The following CAP1 variants were observed in gnomAD, a reference collection of about 807,000 sequenced individuals.
The protein encoded by CAP1 is adenylyl cyclase-associated protein 1.
Under a neutral mutation model 58.2 loss-of-function variants are expected in CAP1, and 11 were observed. The ratio of observed to expected loss-of-function variants is 0.19; its 90% CI spans 0.12 to 0.31. The LOEUF (loss-of-function observed/expected upper bound fraction) is 0.31. Among genes scored for constraint, CAP1 ranks in the 10% least tolerant of loss-of-function variants. CAP1 has a pLI of 1.00. For missense variants in CAP1, 423 were observed against 587.5 expected, an observed-to-expected ratio of 0.72 and a Z score of 2.89; for synonymous variants, 183 against 213.8, an observed-to-expected ratio of 0.86 and a Z score of 1.26.
intron 1 of CAP1, among the ~76,000 whole-genome samples, chr1:40,054,343 AC>A (rs1646518950): frequency 6.6e-6 from 1 of 151,784 alleles, no homozygotes; most frequent in Admixed American, 6.6e-5. Flanking sequence ...GGCGCATACC[AC>A]CACGCCTGGC....
chr1:40,043,907 G>C (rs1049022132), intron 1 of CAP1, among the ~76,000 whole-genome samples: 1 of 151,878 alleles, frequency 6.6e-6, no homozygotes, highest in African/African-American at 2.4e-5. Flanking sequence ...GAAATTTCTC[G>C]CTTTTTCCAG....
At chr1:40,061,506 C>G (rs537450937) in intron 3 of CAP1, among the ~76,000 whole-genome samples, 1 of 152,282 alleles carries the variant, frequency 6.6e-6, no homozygotes, top group South Asian at 2.1e-4. Context: ...AGGTGATTAT[C>G]CAATTAACTT....
chr1:40,044,387 G>A (rs985794805), intron 1 of CAP1, among the ~76,000 whole-genome samples: 1 of 152,086 alleles, frequency 6.6e-6, no homozygotes, highest in Admixed American at 6.5e-5. Flanking sequence ...GTTCTCGAGC[G>A]GTATCTTACC....
At chr1:40,068,362 C>A (rs1269091147) in intron 8 of CAP1, among the ~76,000 whole-genome samples, 1 of 152,128 alleles carries the variant, frequency 6.6e-6, no homozygotes, top group Non-Finnish European at 1.5e-5. Flanking sequence ...CCTCCACCTC[C>A]CAGGTTCAAG....
chr1:40,050,297 G>A (rs937107953), intron 1 of CAP1, among the ~76,000 whole-genome samples: 2 of 149,806 alleles, frequency 1.3e-5, no homozygotes, highest in African/African-American at 4.9e-5. Context: ...ACTTAATTCA[G>A]GTGCTGGTCT....
chr1:40,067,426 G>A, intron 7 of CAP1, 114 bp from the exon 8 acceptor site: 1 of 845,716 alleles, frequency 1.2e-6, no homozygotes, highest in Non-Finnish European at 1.8e-6. Context: ...ATTAATCATT[G>A]CCTCAAAGGC....
chr1:40,043,358 C>T (rs576072691), intron 1 of CAP1, among the ~76,000 whole-genome samples: 9 of 152,108 alleles, frequency 5.9e-5, no homozygotes, highest in South Asian at 2.1e-4. Context: ...CCACCACGCC[C>T]GGCTAATTTT....
At chr1:40,052,995 C>T (rs190767199) in intron 1 of CAP1, among the ~76,000 whole-genome samples, 1,670 of 152,136 alleles carry the variant, frequency 0.011, 12 homozygotes, top group Non-Finnish European at 0.015. Flanking sequence ...GAGGCCAAGG[C>T]GGGCGGATCA....
At chr1:40,071,150 T>G (rs1647901751) in intron 12 of CAP1, among the ~76,000 whole-genome samples, 171 bp downstream of exon 12, 1 of 152,106 alleles carries the variant, frequency 6.6e-6, no homozygotes, top group Non-Finnish European at 1.5e-5. Context: ...GCCCCAAAGG[T>G]AGGTGCTTTC....
rs368360016 is a variant in CAP1 at position 40,040,741 on chromosome 1, C to G, written c.-71C>G. ...AGTGGGTCGCGCGGAGATTGCTGGG[C>G]GGTTCTTGCCGGAAGCGGAGAGCGG... On this transcript the variant is annotated 5_prime_UTR_variant, in exon 1 of 13. Coordinates refer to ENST00000372805, the MANE Select transcript of CAP1 (RefSeq NM_006367.4). 1 of 152,894 alleles carries G rather than the reference C, an allele frequency of 6.5e-6. No homozygotes were observed. The highest frequency in any genetic ancestry group is 1.5e-5 in the Non-Finnish European group (1 of 68,248). The allele number at this position is 152,894 out of a possible 1,614,324, so 9.5% of individuals were successfully genotyped here.
Position 40,067,734 on chromosome 1 carries a change from A to G in CAP1, c.808+17A>G. On this transcript the variant is annotated intron_variant, in intron 8 of 12. Coordinates refer to ENST00000372805, the MANE Select transcript of CAP1 (RefSeq NM_006367.4). The stretch of plus-strand genomic sequence containing the variant: ...TTACACATGGTGAGTGAGCACTTGG[A>G]CACGAACAGTAGGTACAACAAGTTG... The G allele has an allele frequency of 6.3e-7, 1 of 1,580,800 alleles. No homozygotes were observed. The highest frequency in any genetic ancestry group is 1.8e-5 in the Admixed American group (1 of 55,134).
rs1054937975 is a variant in CAP1 at position 40,070,757 on chromosome 1, G to A, written c.1201-79G>A. The A allele has an allele frequency of 3.7e-6, 5 of 1,339,828 alleles. No homozygotes were observed. The African/African-American group carries it at 7.3e-5, about 20-fold the overall frequency. The allele number at this position is 1,339,828 out of a possible 1,614,324, so 83.0% of individuals were successfully genotyped here. On this transcript the variant is annotated intron_variant, in intron 11 of 12. Transcript: ENST00000372805. ...TTTTCATGTAGTTGCTGAGTCACGTGAAACAGGAAACCTTTTCCTGCGACT... is the reference window on the plus strand; with the variant it reads ...TTTTCATGTAGTTGCTGAGTCACGTAAAACAGGAAACCTTTTCCTGCGACT...
intron 3 of CAP1, 49 bp from the exon 4 acceptor site, chr1:40,061,686 C>T (rs766606798): frequency 6.8e-7 from 1 of 1,473,190 alleles, no homozygotes; most frequent in South Asian, 1.1e-5. Flanking sequence ...CTTATCAAGA[C>T]TTCTCTAGTT....
intron 6 of CAP1, among the ~76,000 whole-genome samples, chr1:40,065,754 A>T (rs1390031298): frequency 1.3e-5 from 2 of 152,322 alleles, no homozygotes; most frequent in East Asian, 3.9e-4. Flanking sequence ...TTTTGACATA[A>T]GGCATTGTCT....
intron 1 of CAP1, chr1:40,041,462 TCTTA>T (rs921010848): frequency 1.3e-5 from 2 of 152,212 alleles, no homozygotes; most frequent in African/African-American, 2.4e-5. Flanking sequence ...CGGCTGCTGC[TCTTA>T]CTTTGACAAG....
intron 6 of CAP1, 29 bp from the exon 7 acceptor site, chr1:40,066,186 T>C: frequency 8.2e-7 from 1 of 1,225,446 alleles, no homozygotes. Context: ...CCGGATCACC[T>C]GTGACAAGTT....
intron 11 of CAP1, 110 bp from the exon 12 acceptor site, chr1:40,070,726 G>C (rs1430862683): frequency 9.9e-7 from 1 of 1,014,184 alleles, no homozygotes; most frequent in African/African-American, 1.6e-5. Context: ...TTGCGCATCT[G>C]TGAGCTTTTC....
chr1:40,067,457 C>T (rs768101400), intron 7 of CAP1, 83 bp from the exon 8 acceptor site: 20 of 1,218,234 alleles, frequency 1.6e-5, no homozygotes, highest in Non-Finnish European at 2.3e-5. Context: ...ACCCCATGTG[C>T]ACTGGCCCAT....
chr1:40,067,821 A>ACACACCAAAC, intron 8 of CAP1, 104 bp downstream of exon 8: 2 of 800,592 alleles, frequency 2.5e-6, no homozygotes, highest in Non-Finnish European at 4.0e-6. Flanking sequence ...TGTGTGGTGG[A>ACACACCAAAC]GACTCGTTTG....
Sources: gnomAD v4.1 joint callset for allele counts (sites outside exome capture counted in the v4.1 genomes callset) on GRCh38, gnomAD v4.1.1 for gene constraint, MANE v1.5 for transcripts, NCBI Gene and HGNC (gene_info 2026-07-23, HGNC 2026-07-21) for gene names.